The following TMC7 variants were observed in gnomAD, a reference collection of about 807,000 sequenced individuals.
TMC7 encodes the protein transmembrane channel like 7.
A neutral mutation model predicts 82.9 loss-of-function variants in TMC7; 54 were observed. The observed-to-expected ratio is 0.65, with a 90% CI of 0.52 to 0.82. TMC7 has a LOEUF of 0.82. Ranked by LOEUF, TMC7 falls within the 40% of genes least tolerant of loss-of-function variation. The pLI is 0.00. For synonymous variants in TMC7, 350 were observed against 337.9 expected (o/e 1.04, Z -0.39); for missense variants, 820 against 901.2 (o/e 0.91, Z 1.15).
intron 2 of TMC7, chr16:19,012,111 A>C (rs574166678): frequency 7.1e-6 from 1 of 141,462 alleles, no homozygotes; most frequent in African/African-American, 2.6e-5. Context: ...GTCTGGGTGA[A>C]AAAGTGAGAT....
At chr16:19,045,522 C>A in intron 11 of TMC7, 84 bp downstream of exon 11, 1 of 962,296 alleles carries the variant, frequency 1.0e-6, no homozygotes, top group Non-Finnish European at 1.7e-6. Flanking sequence ...TGGAGGGTCC[C>A]ATTGCAGCTG....
chr16:19,048,418 CTTTAT>C (rs969532935), intron 12 of TMC7, among the ~76,000 whole-genome samples: 9 of 151,946 alleles, frequency 5.9e-5, no homozygotes, highest in South Asian at 2.1e-4. Context: ...TTTTTTCTTT[CTTTAT>C]TTTATTTTAT....
chr16:18,991,902 C>A (rs1450208447), intron 1 of TMC7, among the ~76,000 whole-genome samples: 2 of 152,162 alleles, frequency 1.3e-5, no homozygotes, highest in Non-Finnish European at 2.9e-5. Flanking sequence ...CAGCGTCATC[C>A]ATGTTGCTAC....
intron 12 of TMC7, 119 bp from the exon 13 acceptor site, chr16:19,051,567 C>A: frequency 8.4e-7 from 1 of 1,188,934 alleles, no homozygotes; most frequent in Non-Finnish European, 1.2e-6. Flanking sequence ...TATTGCTGGA[C>A]TACCCTCTGG....
chr16:19,030,505 TC>T, intron 6 of TMC7, 136 bp downstream of exon 6: 1 of 975,832 alleles, frequency 1.0e-6, no homozygotes, highest in Non-Finnish European at 1.4e-6. Flanking sequence ...GGTTTGTGAG[TC>T]CATTGGCAGC....
chr16:18,994,986 T>TG (rs60240381), intron 1 of TMC7, among the ~76,000 whole-genome samples: 96,750 of 151,488 alleles, frequency 0.64, 30,942 homozygotes, highest in East Asian at 0.82. Flanking sequence ...TGGATTAAGG[T>TG]GGGGAGATAC....
At chr16:18,985,703 T>G (rs1346619206) in intron 1 of TMC7, among the ~76,000 whole-genome samples, 3 of 151,894 alleles carry the variant, frequency 2.0e-5, no homozygotes, top group Non-Finnish European at 2.9e-5. Flanking sequence ...GATGAGTTTT[T>G]TTTTTTTTTT....
At chr16:19,038,842 A>G (rs1014905022) in intron 8 of TMC7, among the ~76,000 whole-genome samples, 1 of 152,128 alleles carries the variant, frequency 6.6e-6, no homozygotes, top group African/African-American at 2.4e-5. Context: ...AAAAGCATCT[A>G]AAGTGTAGTG....
intron 2 of TMC7, among the ~76,000 whole-genome samples, chr16:19,013,082 G>A (rs563081276): frequency 2.6e-4 from 38 of 144,992 alleles, no homozygotes; most frequent in African/African-American, 9.6e-4. Context: ...CTCCCAAAGT[G>A]CTGGGATTAC....
At chr16:19,021,325 CA>C (rs1959963727) in intron 3 of TMC7, among the ~76,000 whole-genome samples, 1 of 151,880 alleles carries the variant, frequency 6.6e-6, no homozygotes, top group African/African-American at 2.4e-5. Flanking sequence ...TGATTATTTC[CA>C]AAAAAGGCAG....
At chr16:19,029,251 C>T (rs918561603) in intron 5 of TMC7, among the ~76,000 whole-genome samples, 6 of 152,022 alleles carry the variant, frequency 3.9e-5, no homozygotes, top group Middle Eastern at 3.4e-3. Flanking sequence ...GTGATCTATC[C>T]GCCTCGGCCT....
Position 19,063,583 on chromosome 16 carries a change from GTTGTAA to G in TMC7, c.*1747_*1752del, listed in dbSNP as rs1171319296. ...AAAGATAGGTGAAAAGAAAAAAAAAGTTGTAATTGTAAACATTTCTGCCCAGTGCCT... is the reference window on the plus strand; with the variant it reads ...AAAGATAGGTGAAAAGAAAAAAAAAGTTGTAAACATTTCTGCCCAGTGCCT... On this transcript the variant is annotated 3_prime_UTR_variant, in exon 16 of 16. Transcript: ENST00000304381. The G allele has an allele frequency of 3.3e-5, 5 of 152,000 alleles. No individual in the cohort carries two copies. In the South Asian group the frequency reaches 8.3e-4, roughly 25 times the overall value. 9.4% of individuals were successfully genotyped at this position (152,000 alleles called of 1,614,324 possible).
At chr16:18,996,650 C>A (rs184665079) in intron 1 of TMC7, among the ~76,000 whole-genome samples, 1 of 151,988 alleles carries the variant, frequency 6.6e-6, no homozygotes, top group African/African-American at 2.4e-5. Flanking sequence ...GAATGGAGGG[C>A]GGAAGGTTGC....
chr16:19,007,389 G>A (rs1164181260), intron 1 of TMC7, among the ~76,000 whole-genome samples: 1 of 152,164 alleles, frequency 6.6e-6, no homozygotes, highest in Non-Finnish European at 1.5e-5. Flanking sequence ...TTCAAGGAGG[G>A]GACCACGCAG....
chr16:19,031,302 G>A (rs150591902), intron 6 of TMC7, among the ~76,000 whole-genome samples: 213 of 152,276 alleles, frequency 1.4e-3, no homozygotes, highest in Non-Finnish European at 2.3e-3. Context: ...GTGTGTCTGC[G>A]ATGAGCCCCT....
At chr16:18,984,283 G>C (rs964929963) in intron 1 of TMC7, 153 bp downstream of exon 1, 49 of 1,337,342 alleles carry the variant, frequency 3.7e-5, no homozygotes, top group Middle Eastern at 5.6e-4. Flanking sequence ...GTGGGAAGGA[G>C]ATCTTCCTTA....
chr16:19,009,277 C>G lies in TMC7; in HGVS notation c.173C>G (p.Ser58Cys). ...SIARRRTTVHSRDKQSGTLLK... is the reference protein window; with the variant it reads ...SIARRRTTVHCRDKQSGTLLK... ...GCACGTAGGAGAACGACTGTCCATT[C>G]CCGGGACAAGCAAAGCGGAACTTTG... Residue 58 changes from serine to cysteine, a missense_variant, in exon 2 of 16, where the codon TCC becomes TGC. Ser to Cys is a moderately radical substitution (Grantham distance 112). This residue lies in a region of TMC7 where 650 missense variants were observed against 669.9 expected (regional missense o/e 0.97). Coordinates refer to ENST00000304381, the MANE Select transcript of TMC7 (RefSeq NM_024847.4). The G allele has an allele frequency of 1.9e-6, 3 of 1,614,164 alleles. No homozygotes were observed. Among genetic ancestry groups the G allele is most frequent in the Non-Finnish European group, 2.5e-6 (3 of 1,180,038 alleles).
At chr16:18,987,466 A>G (rs1282094691) in intron 1 of TMC7, among the ~76,000 whole-genome samples, 7 of 151,978 alleles carry the variant, frequency 4.6e-5, no homozygotes, top group Non-Finnish European at 8.8e-5. Flanking sequence ...ACGTGCCACC[A>G]TGCCCAGCTG....
At chr16:19,001,194 C>G (rs1383466299) in intron 1 of TMC7, among the ~76,000 whole-genome samples, 1 of 152,080 alleles carries the variant, frequency 6.6e-6, no homozygotes, top group Non-Finnish European at 1.5e-5. Context: ...TCTAACCTAT[C>G]TTGTATCCTC....
Sources: gnomAD v4.1 joint callset for allele counts (sites outside exome capture counted in the v4.1 genomes callset) on GRCh38, gnomAD v4.1.1 for gene constraint, gnomAD v4.1.1 regional missense constraint, MANE v1.5 for transcripts, NCBI Gene and HGNC (gene_info 2026-07-23, HGNC 2026-07-21) for gene names.